Variants in B3GAT2 observed in about 807,000 individuals in gnomAD.
The protein encoded by B3GAT2 is beta-1,3-glucuronyltransferase 2, also known as galactosylgalactosylxylosylprotein 3-beta-glucuronosyltransferase 2.
A neutral mutation model predicts 27.8 loss-of-function variants in B3GAT2; 26 were observed. The observed-to-expected ratio is 0.93, with a 90% CI of 0.68 to 1.30. The LOEUF is 1.30. B3GAT2 is among the 50% of genes most tolerant of loss of function. B3GAT2 has a pLI of 0.00. For synonymous variants in B3GAT2, 218 were observed against 195.1 expected, an observed-to-expected ratio of 1.12 and a Z score of -0.98; for missense variants, 458 against 459.0, an observed-to-expected ratio of 1.00 and a Z score of 0.02.
intron 2 of B3GAT2, 71 bp downstream of exon 2, chr6:70,894,057 T>C (rs571510607): frequency 7.1e-7 from 1 of 1,402,316 alleles, no homozygotes; most frequent in Non-Finnish European, 9.4e-7. Context: ...TTCCTTCATC[T>C]AGTGCATCGT....
chr6:70,931,282 T>C (rs567233326), intron 1 of B3GAT2, among the ~76,000 whole-genome samples: 1 of 152,088 alleles, frequency 6.6e-6, no homozygotes, highest in East Asian at 1.9e-4. Flanking sequence ...TATATACATA[T>C]GTAACAAACC....
intron 1 of B3GAT2, among the ~76,000 whole-genome samples, chr6:70,907,480 A>G (rs943420985): frequency 6.6e-6 from 1 of 152,222 alleles, no homozygotes; most frequent in African/African-American, 2.4e-5. Flanking sequence ...ATCCATCCCT[A>G]AAACCTGCTG....
At chr6:70,927,014 C>T (rs1772973281) in intron 1 of B3GAT2, among the ~76,000 whole-genome samples, 2 of 152,072 alleles carry the variant, frequency 1.3e-5, no homozygotes. Context: ...AGAGAGGGGG[C>T]CGATATTCAA....
chr6:70,949,267 C>A (rs1174534013), intron 1 of B3GAT2, among the ~76,000 whole-genome samples: 2 of 151,996 alleles, frequency 1.3e-5, no homozygotes, highest in Non-Finnish European at 2.9e-5. Flanking sequence ...AGTGAACAGG[C>A]AACCTACAAA....
rs528217568 is a variant in B3GAT2 at position 70,923,818 on chromosome 6, G to A, written c.592-29546C>T. Among the ~76,000 whole-genome samples, 11 of 152,244 alleles carry A rather than the reference G, an allele frequency of 7.2e-5. 1 individual carries two copies. The South Asian group carries it at 1.2e-3, about 17-fold the overall frequency. ...TTCTGTGTAGTAATTTAAAAGTACT[G>A]AATGACATTGTGGAATATGTTTTGG... On this transcript the variant is annotated intron_variant, in intron 1 of 3. Transcript: ENST00000230053.
At chr6:70,955,106 T>C (rs1331513008) in intron 1 of B3GAT2, among the ~76,000 whole-genome samples, 1 of 151,534 alleles carries the variant, frequency 6.6e-6, no homozygotes, top group African/African-American at 2.4e-5. Context: ...GCCCAGATGT[T>C]TACCTTGGGC....
chr6:70,870,284 C>T (rs184488299), intron 2 of B3GAT2, among the ~76,000 whole-genome samples: 3,548 of 149,532 alleles, frequency 0.024, 52 homozygotes, highest in Non-Finnish European at 0.037. Flanking sequence ...AGCAAACTAT[C>T]GCAAGGACAA....
chr6:70,868,470 C>A (rs1185609332), intron 2 of B3GAT2, among the ~76,000 whole-genome samples: 1 of 152,198 alleles, frequency 6.6e-6, no homozygotes, highest in Non-Finnish European at 1.5e-5. Flanking sequence ...ATAGGCTCAT[C>A]CCACTGCCAC....
At chr6:70,907,628 A>G (rs550003073) in intron 1 of B3GAT2, among the ~76,000 whole-genome samples, 4 of 152,336 alleles carry the variant, frequency 2.6e-5, no homozygotes, top group African/African-American at 7.2e-5. Context: ...ATTTATGCAC[A>G]CTGGAGCATG....
chr6:70,901,296 A>G (rs1241462050), intron 1 of B3GAT2, among the ~76,000 whole-genome samples: 1 of 152,174 alleles, frequency 6.6e-6, no homozygotes, highest in Admixed American at 6.5e-5. Flanking sequence ...TACCCTTGCT[A>G]TGATGTGATG....
At chr6:70,907,093 T>G (rs1772614757) in intron 1 of B3GAT2, among the ~76,000 whole-genome samples, 1 of 152,174 alleles carries the variant, frequency 6.6e-6, no homozygotes, top group Non-Finnish European at 1.5e-5. Flanking sequence ...ATCTACTTTC[T>G]TCTCTTCCTT....
At chr6:70,918,878 G>A (rs1481760410) in intron 1 of B3GAT2, among the ~76,000 whole-genome samples, 2 of 151,994 alleles carry the variant, frequency 1.3e-5, no homozygotes, top group African/African-American at 4.8e-5. Context: ...GTGTCTTGGG[G>A]TTGCTCTTCT....
rs1304931632 is a variant in B3GAT2 at position 70,860,368 on chromosome 6, C to T, written c.*1295G>A. On this transcript the variant is annotated 3_prime_UTR_variant, in exon 4 of 4. Coordinates refer to ENST00000230053, the MANE Select transcript of B3GAT2 (RefSeq NM_080742.3). ...ATACAAGTTTCATCCAGAACTACCA[C>T]CTGACATTCCTTGCTGAAACGCATC... is the stretch of plus-strand genomic sequence containing the variant. 6 of 1,578,098 alleles carry T rather than the reference C, an allele frequency of 3.8e-6. No homozygotes were observed. Among genetic ancestry groups the T allele is most frequent in the Non-Finnish European group, 3.4e-6 (4 of 1,162,880 alleles).
At chr6:70,916,635 C>T (rs1201823260) in intron 1 of B3GAT2, among the ~76,000 whole-genome samples, 6 of 152,092 alleles carry the variant, frequency 3.9e-5, no homozygotes, top group Admixed American at 1.3e-4. Flanking sequence ...AAGGCCTTTG[C>T]TGCATGTATT....
At chr6:70,940,379 G>T (rs1289709243) in intron 1 of B3GAT2, among the ~76,000 whole-genome samples, 1 of 152,096 alleles carries the variant, frequency 6.6e-6, no homozygotes, top group Admixed American at 6.6e-5. Flanking sequence ...ACACAGAGAA[G>T]GCTGGCATCT....
At position 70,955,858 on chromosome 6, in the gene B3GAT2, C is replaced by G. The variant is rs1248775136; in HGVS notation, c.572G>C (p.Ser191Thr). 1 of 1,601,552 alleles carries G rather than the reference C, an allele frequency of 6.2e-7. No homozygotes were observed. The highest frequency in any genetic ancestry group is 8.5e-7 in the Non-Finnish European group (1 of 1,175,100). The change falls in exon 1 of 4, where the codon AGT (serine) becomes ACT (threonine). Residue 191 changes from serine to threonine, a missense_variant. Coordinates refer to ENST00000230053, the MANE Select transcript of B3GAT2 (RefSeq NM_080742.3). ...LFFADDDNTY[S>T]LELFQEMRTT... ...CTTTACCTCCTGGAAGAGCTCCAGACTATAGGTGTTGTCGTCGTCAGCGAA... is the reference window on the plus strand; with the variant it reads ...CTTTACCTCCTGGAAGAGCTCCAGAGTATAGGTGTTGTCGTCGTCAGCGAA...
chr6:70,935,769 G>A (rs1765262613), intron 1 of B3GAT2, among the ~76,000 whole-genome samples: 1 of 152,136 alleles, frequency 6.6e-6, no homozygotes, highest in African/African-American at 2.4e-5. Flanking sequence ...ACATGGAAAG[G>A]CACAACCGGT....
chr6:70,927,260 T>G (rs1169733426), intron 1 of B3GAT2, among the ~76,000 whole-genome samples: 6 of 152,156 alleles, frequency 3.9e-5, no homozygotes, highest in Admixed American at 3.9e-4. Flanking sequence ...ATGAAGAAAC[T>G]GCATCAACTA....
chr6:70,867,824 G>A (rs1223494680), intron 2 of B3GAT2, among the ~76,000 whole-genome samples: 1 of 152,052 alleles, frequency 6.6e-6, no homozygotes, highest in Non-Finnish European at 1.5e-5. Context: ...TGTAAGACCA[G>A]CATTGCCCTG....
Sources: allele counts gnomAD v4.1 joint callset (sites outside exome capture counted in the v4.1 genomes callset), GRCh38; gene constraint gnomAD v4.1.1; transcripts MANE v1.5; gene names NCBI Gene and HGNC (gene_info 2026-07-23, HGNC 2026-07-21).